The following TMEM177 variants were observed in gnomAD, a reference collection of about 807,000 sequenced individuals.
The protein encoded by TMEM177 is transmembrane protein 177.
TMEM177 carries 4 observed loss-of-function variants against 14.2 expected under a neutral mutation model. The ratio of observed to expected loss-of-function variants is 0.28; its 90% CI spans 0.14 to 0.64. The LOEUF (loss-of-function observed/expected upper bound fraction) is 0.64, where lower values mean the gene tolerates loss of function less well. Ranked by LOEUF, TMEM177 falls within the 30% of genes least tolerant of loss-of-function variation. The pLI is 0.82. For missense variants in TMEM177, 344 were observed against 405.2 expected (o/e 0.85, Z 1.30); for synonymous variants, 179 against 174.5 (o/e 1.03, Z -0.20).
chr2:119,699,880 C>T, the TMEM177 span: 1 of 435,732 alleles, frequency 2.3e-6, no homozygotes, highest in South Asian at 1.7e-5. Flanking sequence ...GTTTTTGTTG[C>T]ACTAGCTTAA....
At chr2:119,680,753 G>T in intron 1 of TMEM177, 79 bp from the exon 2 acceptor site, 1 of 1,144,238 alleles carries the variant, frequency 8.7e-7, no homozygotes, top group South Asian at 1.5e-5. Flanking sequence ...GGTTTAAAAA[G>T]GTGGTGTGGA....
At chr2:119,716,608 G>T in the TMEM177 span, among the ~76,000 whole-genome samples, 1 of 152,206 alleles carries the variant, frequency 6.6e-6, no homozygotes, top group Non-Finnish European at 1.5e-5. Flanking sequence ...AGCTCCACAT[G>T]CTCCTTCAAA....
chr2:119,698,051 G>T, the TMEM177 span, among the ~76,000 whole-genome samples: 1 of 152,126 alleles, frequency 6.6e-6, no homozygotes, highest in African/African-American at 2.4e-5. Flanking sequence ...TGAGCTCCAG[G>T]GGAGGCAATG....
At chr2:119,697,719 A>C in the TMEM177 span, among the ~76,000 whole-genome samples, 1 of 150,350 alleles carries the variant, frequency 6.7e-6, no homozygotes, top group African/African-American at 2.5e-5. Flanking sequence ...TCTCTCTCTC[A>C]CTCTGGATTC....
the TMEM177 span, among the ~76,000 whole-genome samples, chr2:119,692,243 C>T: frequency 6.6e-5 from 10 of 152,182 alleles, no homozygotes; most frequent in African/African-American, 2.4e-4. Flanking sequence ...CCATATGAAT[C>T]GATTTTGTTT....
downstream of TMEM177, among the ~76,000 whole-genome samples, chr2:119,687,353 T>G (rs1689031771): frequency 6.6e-6 from 1 of 152,202 alleles, no homozygotes; most frequent in Admixed American, 6.5e-5. Flanking sequence ...TATTAATCCA[T>G]TCTCATGCTG....
the TMEM177 span, among the ~76,000 whole-genome samples, chr2:119,710,760 C>T: frequency 6.6e-6 from 1 of 152,196 alleles, no homozygotes; most frequent in Non-Finnish European, 1.5e-5. Context: ...CAGGCGCCCC[C>T]ACCACCCCCA....
chr2:119,681,121 C>T lies in TMEM177; in HGVS notation c.268C>T (p.Pro90Ser), dbSNP rs375907847. ...YKPFTTFTFQ[P>S]VSAGFPRLPA... ...GCCCTTCACCACCTTCACCTTCCAA[C>T]CTGTGAGTGCAGGCTTCCCAAGACT... is the stretch of plus-strand genomic sequence containing the variant. The change falls in exon 2 of 2, where the codon CCT (proline) becomes TCT (serine). Residue 90 changes from proline to serine, a missense_variant. Coordinates refer to ENST00000272521, the MANE Select transcript of TMEM177 (RefSeq NM_030577.3). The T allele has an allele frequency of 1.9e-6, 3 of 1,614,140 alleles. No homozygotes were observed. The highest frequency in any genetic ancestry group is 2.7e-5 in the African/African-American group (2 of 74,956).
intron 1 of TMEM177, 190 bp downstream of exon 1, chr2:119,679,466 G>C (rs1688838511): frequency 1.3e-5 from 2 of 151,724 alleles, no homozygotes; most frequent in Non-Finnish European, 2.9e-5. Context: ...TCCTTTCTTA[G>C]CCTCACTTTC....
chr2:119,722,778 T>G, the TMEM177 span, among the ~76,000 whole-genome samples: 2 of 152,248 alleles, frequency 1.3e-5, no homozygotes, highest in Non-Finnish European at 2.9e-5. Context: ...GTGCAGTGCT[T>G]GCCGGGCATG....
At chr2:119,710,274 C>T in the TMEM177 span, among the ~76,000 whole-genome samples, 1 of 152,222 alleles carries the variant, frequency 6.6e-6, no homozygotes, top group African/African-American at 2.4e-5. Context: ...GGGGGAAATT[C>T]CCCGGAGTTT....
downstream of TMEM177, among the ~76,000 whole-genome samples, chr2:119,684,676 C>A (rs1688982331): frequency 6.6e-6 from 1 of 152,214 alleles, no homozygotes; most frequent in African/African-American, 2.4e-5. Context: ...TTGTATGCGG[C>A]CATTCTGAAT....
chr2:119,691,728 A>G, the TMEM177 span, among the ~76,000 whole-genome samples: 1 of 152,114 alleles, frequency 6.6e-6, no homozygotes, highest in Non-Finnish European at 1.5e-5. Flanking sequence ...CTGACGTGTC[A>G]AGGTCAGTTC....
the TMEM177 span, among the ~76,000 whole-genome samples, chr2:119,705,109 C>A: frequency 2.6e-5 from 4 of 152,172 alleles, no homozygotes; most frequent in Admixed American, 2.6e-4. Flanking sequence ...ATGCTCTGCC[C>A]AGATCTCCCC....
At chr2:119,693,246 G>A in the TMEM177 span, among the ~76,000 whole-genome samples, 1 of 152,286 alleles carries the variant, frequency 6.6e-6, no homozygotes, top group Non-Finnish European at 1.5e-5. Flanking sequence ...CCCCCCTGGA[G>A]ACCCTGGGGT....
the TMEM177 span, among the ~76,000 whole-genome samples, chr2:119,706,004 TTATATATTATATATATTTATA>T: frequency 2.1e-5 from 3 of 144,174 alleles, no homozygotes; most frequent in African/African-American, 7.6e-5. Flanking sequence ...ATATTATATA[TTATATATTATATATATTTATA>T]TATATATATA....
At chr2:119,683,594 G>A (rs546567933), downstream of TMEM177, among the ~76,000 whole-genome samples, 368 of 152,186 alleles carry the variant, frequency 2.4e-3, 1 homozygote, top group African/African-American at 8.0e-3. Context: ...TGATCTGCCC[G>A]AACCATTAGC....
the TMEM177 span, among the ~76,000 whole-genome samples, chr2:119,703,132 C>G: frequency 8.5e-5 from 13 of 152,352 alleles, no homozygotes; most frequent in African/African-American, 2.9e-4. Flanking sequence ...TACTAGCCTG[C>G]TAGGGAGTGG....
chr2:119,690,925 C>T (rs1159946069), downstream of TMEM177, among the ~76,000 whole-genome samples: 2 of 152,232 alleles, frequency 1.3e-5, no homozygotes, highest in East Asian at 3.9e-4. Flanking sequence ...AGCCCTTTTC[C>T]CCCACAGCAG....
Sources: gnomAD v4.1 joint callset for allele counts (sites outside exome capture counted in the v4.1 genomes callset) on GRCh38, gnomAD v4.1.1 for gene constraint, MANE v1.5 for transcripts, NCBI Gene and HGNC (gene_info 2026-07-23, HGNC 2026-07-21) for gene names.